NCKAP5: variants seen among roughly 807,000 people sequenced by gnomAD.
NCKAP5 encodes NCK associated protein 5, also known as nck-associated protein 5.
Under a neutral mutation model 167.0 loss-of-function variants are expected in NCKAP5, and 92 were observed. The observed-to-expected ratio is 0.55, with a 90% CI of 0.47 to 0.66. The LOEUF (loss-of-function observed/expected upper bound fraction) is 0.66. Among genes scored for constraint, NCKAP5 ranks in the 30% least tolerant of loss-of-function variants. The probability of loss-of-function intolerance (pLI) is 0.00; values close to 1 mark genes in which losing one functional copy is unlikely to be tolerated. For synonymous variants in NCKAP5, 891 were observed against 877.4 expected (o/e 1.02, Z -0.27); for missense variants, 2,378 against 2,315.0 (o/e 1.03, Z -0.56).
At chr2:133,175,806 C>T (rs2084435792) in intron 5 of NCKAP5, among the ~76,000 whole-genome samples, 1 of 152,134 alleles carries the variant, frequency 6.6e-6, no homozygotes, top group Non-Finnish European at 1.5e-5. Context: ...TGGAATAATT[C>T]CCAACAGCCC....
In NCKAP5 at chr2:133,130,019, G is replaced by A. The variant is rs1281177719; in HGVS notation, c.300C>T (p.Arg100=). 1 of 1,611,108 alleles carries A rather than the reference G, an allele frequency of 6.2e-7. No homozygotes were observed. The highest frequency in any genetic ancestry group is 8.5e-7 in the Non-Finnish European group (1 of 1,178,902). The part of the protein sequence containing the change: ...RLQEVTLESE[R]NRIQMRSLQQ... ...GCAAGCTACGCATCTGAATTCTGTT[G>A]CGTTCAGACTCTAGGGTCACCTCCT... The change falls in exon 6 of 20, where the codon CGC becomes CGT. Residue 100 remains arginine (R), a synonymous_variant. Coordinates refer to ENST00000409261, the MANE Select transcript of NCKAP5 (RefSeq NM_207363.3).
chr2:132,954,584 T>C, intron 8 of NCKAP5: 1 of 446,762 alleles, frequency 2.2e-6, no homozygotes. Context: ...CAGTATCCAT[T>C]GAATAAATTT....
intron 2 of NCKAP5, among the ~76,000 whole-genome samples, chr2:133,548,262 T>C (rs1686931367): frequency 6.6e-6 from 1 of 152,002 alleles, no homozygotes; most frequent in Non-Finnish European, 1.5e-5. Flanking sequence ...TTGGTGTACC[T>C]GAAAGTGATG....
chr2:133,526,452 C>CAT (rs1684935845), intron 2 of NCKAP5, among the ~76,000 whole-genome samples: 1 of 152,154 alleles, frequency 6.6e-6, no homozygotes, highest in East Asian at 1.9e-4. Context: ...AATGAACGAG[C>CAT]ACATGATTTG....
intron 11 of NCKAP5, among the ~76,000 whole-genome samples, chr2:132,801,947 T>G (rs1378502684): frequency 2.0e-5 from 3 of 152,152 alleles, no homozygotes; most frequent in Non-Finnish European, 4.4e-5. Context: ...CATTTGAGCC[T>G]TTGGCTATTT....
At chr2:133,165,101 A>G (rs2083946616) in intron 5 of NCKAP5, among the ~76,000 whole-genome samples, 2 of 152,152 alleles carry the variant, frequency 1.3e-5, no homozygotes, top group African/African-American at 4.8e-5. Flanking sequence ...GGTGACTGCC[A>G]TCTGCAAGGT....
At chr2:133,151,315 CTTAAACTTCTGCTCTGTGAAAAATACTG>C (rs1432458944) in intron 5 of NCKAP5, among the ~76,000 whole-genome samples, 242 of 152,038 alleles carry the variant, frequency 1.6e-3, no homozygotes, top group African/African-American at 5.5e-3. Flanking sequence ...AATGAAAAAC[CTTAAACTTCTGCTCTGTGAAAAATACTG>C]TTAAGAGAAT....
the NCKAP5 span, among the ~76,000 whole-genome samples, chr2:133,664,163 T>C: frequency 6.6e-6 from 1 of 152,294 alleles, no homozygotes; most frequent in South Asian, 2.1e-4. Context: ...AGTAATCTTT[T>C]TTTTTTTCTG....
At chr2:132,693,487 G>A in intron 19 of NCKAP5, among the ~76,000 whole-genome samples, 1 of 152,044 alleles carries the variant, frequency 6.6e-6, no homozygotes, top group East Asian at 1.9e-4. Flanking sequence ...CTGTGCGGCT[G>A]CAAACCAAGG....
intron 5 of NCKAP5, among the ~76,000 whole-genome samples, chr2:133,177,448 G>A (rs956953015): frequency 1.3e-5 from 2 of 152,040 alleles, no homozygotes; most frequent in African/African-American, 4.8e-5. Context: ...CCATTCATGT[G>A]CAACCCCGCA....
chr2:133,633,143 G>C, the NCKAP5 span, among the ~76,000 whole-genome samples: 9 of 152,162 alleles, frequency 5.9e-5, no homozygotes, highest in African/African-American at 7.2e-5. Flanking sequence ...CACAAGAAGA[G>C]GGGGGATGTG....
At chr2:133,541,009 G>A (rs1303698898) in intron 2 of NCKAP5, among the ~76,000 whole-genome samples, 1 of 149,744 alleles carries the variant, frequency 6.7e-6, no homozygotes, top group African/African-American at 2.4e-5. Context: ...TAAGGTCTTA[G>A]TGTTATTTTT....
At chr2:133,632,686 T>G in the NCKAP5 span, among the ~76,000 whole-genome samples, 2 of 152,164 alleles carry the variant, frequency 1.3e-5, no homozygotes, top group African/African-American at 4.8e-5. Context: ...GGAAAGCACA[T>G]TCTGTATTCA....
chr2:132,745,362 A>C (rs1258225269), intron 16 of NCKAP5, among the ~76,000 whole-genome samples: 2 of 151,388 alleles, frequency 1.3e-5, no homozygotes, highest in Non-Finnish European at 3.0e-5. Context: ...AGAAAAAATC[A>C]TTTAACAAAA....
intron 5 of NCKAP5, among the ~76,000 whole-genome samples, chr2:133,194,847 G>A (rs534890579): frequency 2.9e-4 from 43 of 150,674 alleles, no homozygotes; most frequent in Middle Eastern, 3.4e-3. Context: ...TGGAAGTATA[G>A]ACAGATACTA....
chr2:133,647,141 A>G, the NCKAP5 span, among the ~76,000 whole-genome samples: 1 of 152,024 alleles, frequency 6.6e-6, no homozygotes, highest in Admixed American at 6.6e-5. Context: ...GCTCATGACT[A>G]GCCTGTGCAA....
chr2:133,010,159 A>T (rs563684993), intron 6 of NCKAP5, among the ~76,000 whole-genome samples: 1 of 152,336 alleles, frequency 6.6e-6, no homozygotes, highest in Admixed American at 6.5e-5. Context: ...AGTTGGACTT[A>T]GCTTGATGGA....
chr2:133,399,551 T>C (rs1404217613), intron 3 of NCKAP5, among the ~76,000 whole-genome samples: 1 of 152,184 alleles, frequency 6.6e-6, no homozygotes, highest in African/African-American at 2.4e-5. Context: ...GCATTTTATA[T>C]GAGGTTTTAA....
chr2:132,727,432 G>A (rs767628373), intron 18 of NCKAP5, among the ~76,000 whole-genome samples: 100 of 152,214 alleles, frequency 6.6e-4, no homozygotes, highest in Non-Finnish European at 1.6e-4. Context: ...TCTGTGCAAA[G>A]TGTGTTCCAT....
Sources: allele counts gnomAD v4.1 joint callset (sites outside exome capture counted in the v4.1 genomes callset), GRCh38; gene constraint gnomAD v4.1.1; transcripts MANE v1.5; gene names NCBI Gene and HGNC (gene_info 2026-07-23, HGNC 2026-07-21).